C6: variants seen among roughly 807,000 people sequenced by gnomAD.
The protein encoded by C6 is complement component C6.
C6 carries 101 observed loss-of-function variants against 112.9 expected under a neutral mutation model. That is an observed-to-expected ratio of 0.89 (90% CI 0.76 to 1.06). The LOEUF is 1.06. Ranked by LOEUF, C6 falls within the 50% of genes least tolerant of loss-of-function variation. C6 has a pLI of 0.00. For synonymous variants in C6, 431 were observed against 384.1 expected (o/e 1.12, Z -1.43); for missense variants, 1,202 against 1,104.6 (o/e 1.09, Z -1.25).
At position 41,160,161 on chromosome 5, in the gene C6, C is replaced by T. The variant is rs1561108383; in HGVS notation, c.1665G>A (p.Gln555=). The T allele has an allele frequency of 2.5e-6, 4 of 1,612,344 alleles. No individual in the cohort carries two copies. Among genetic ancestry groups the T allele is most frequent in the East Asian group, 2.2e-5 (1 of 44,864 alleles). Residue 555 remains glutamine (Q), a synonymous_variant, in exon 11 of 18, where the codon CAG becomes CAA. Coordinates refer to ENST00000337836, the MANE Select transcript of C6 (RefSeq NM_000065.5). The part of the protein sequence containing the change: ...SGTYGENCEK[Q]SPDYKSNAVD... ...ACTTACTGGATTTATAATCTGGAGA[C>T]TGTTTCTCACAGTTCTCACCATAGG... is the stretch of plus-strand genomic sequence containing the variant.
intron 6 of C6, 35 bp downstream of exon 6, chr5:41,186,035 G>A (rs1205626706): frequency 1.2e-5 from 20 of 1,613,138 alleles, no homozygotes; most frequent in Non-Finnish European, 1.6e-5. Context: ...AATCACTGAC[G>A]GTGTTGGAGT....
At chr5:41,152,009 G>GAA (rs111468089) in intron 15 of C6, among the ~76,000 whole-genome samples, 37 of 146,444 alleles carry the variant, frequency 2.5e-4, no homozygotes, top group African/African-American at 9.3e-4. Context: ...ATTATGGTGG[G>GAA]AAAAAAAAAA....
intron 1 of C6, among the ~76,000 whole-genome samples, chr5:41,224,518 G>C (rs1739367246): frequency 6.6e-6 from 1 of 151,764 alleles, no homozygotes; most frequent in Non-Finnish European, 1.5e-5. Flanking sequence ...CGTCTTTTGA[G>C]ACTGATTCTT....
intron 7 of C6, among the ~76,000 whole-genome samples, chr5:41,178,852 A>G (rs1749086024): frequency 6.7e-6 from 1 of 150,028 alleles, no homozygotes; most frequent in Non-Finnish European, 1.5e-5. Context: ...GGATTGAACT[A>G]TATGAAGCTA....
At chr5:41,212,028 C>G (rs927518620) in intron 1 of C6, among the ~76,000 whole-genome samples, 1 of 151,872 alleles carries the variant, frequency 6.6e-6, no homozygotes, top group Non-Finnish European at 1.5e-5. Flanking sequence ...CAATATGGAG[C>G]CTGATATAAA....
At chr5:41,190,576 T>C (rs1750117127) in intron 5 of C6, among the ~76,000 whole-genome samples, 1 of 152,240 alleles carries the variant, frequency 6.6e-6, no homozygotes, top group South Asian at 2.1e-4. Context: ...TTCACTCTGT[T>C]ACTGTTTTCT....
chr5:41,157,435 G>T (rs1561103140), intron 13 of C6, among the ~76,000 whole-genome samples: 1 of 152,176 alleles, frequency 6.6e-6, no homozygotes, highest in African/African-American at 2.4e-5. Flanking sequence ...TCTATAAGTG[G>T]CCTGGATAGT....
chr5:41,207,198 G>A (rs1751504375), intron 1 of C6, among the ~76,000 whole-genome samples: 1 of 152,064 alleles, frequency 6.6e-6, no homozygotes, highest in Non-Finnish European at 1.5e-5. Flanking sequence ...GTCACCACCA[G>A]GCCTGCCTTA....
At chr5:41,146,270 C>A (rs908530225) in intron 17 of C6, among the ~76,000 whole-genome samples, 1 of 134,460 alleles carries the variant, frequency 7.4e-6, no homozygotes, top group African/African-American at 2.6e-5. Flanking sequence ...CATGTTGTAA[C>A]TTTTGAAAGG....
chr5:41,184,629 G>A (rs905426252), intron 6 of C6, among the ~76,000 whole-genome samples: 8 of 151,800 alleles, frequency 5.3e-5, no homozygotes, highest in African/African-American at 9.7e-5. Flanking sequence ...GCACCACTAC[G>A]CCCAGCTAAG....
intron 1 of C6, among the ~76,000 whole-genome samples, chr5:41,230,001 G>A (rs11948628): frequency 0.021 from 3,197 of 152,064 alleles, 128 homozygotes; most frequent in African/African-American, 0.072. Flanking sequence ...TGTCTTTACC[G>A]CAATCGCTGA....
rs140192280 is a variant in C6 at position 41,246,824 on chromosome 5, GC to G, written c.-21+14369del. ...ACTAAAATGATGACTGTATGTTTGA[GC>G]TAGAAAAGGAAAATTTGGGATAAAT... On this transcript the variant is annotated intron_variant, in intron 1 of 17. Coordinates refer to the C6 transcript ENST00000263413. Among the ~76,000 whole-genome samples, 235 of 152,260 alleles carry G rather than the reference GC, an allele frequency of 1.5e-3. 11 individuals carry two copies. The East Asian group carries it at 0.043, about 28-fold the overall frequency.
intron 1 of C6, among the ~76,000 whole-genome samples, chr5:41,219,795 C>T (rs1023022052): frequency 6.6e-6 from 1 of 152,132 alleles, no homozygotes; most frequent in African/African-American, 2.4e-5. Context: ...AGACATGAAT[C>T]ACACAAATAA....
chr5:41,239,851 T>G lies in C6; in HGVS notation c.-21+21343A>C, dbSNP rs150790519. 6.0e-4 allele frequency among the ~76,000 whole-genome samples: 92 copies of G among 152,320 alleles called. 1 individual carries two copies. Among genetic ancestry groups the G allele is most frequent in the Middle Eastern group, 6.8e-3 (2 of 294 alleles). ...GTCTAGGAAAGGCTTTATTTCTCTTTCATTTATGAAAGGTAACTTTGCTGG... is the reference window on the plus strand; with the variant it reads ...GTCTAGGAAAGGCTTTATTTCTCTTGCATTTATGAAAGGTAACTTTGCTGG... On this transcript the variant is annotated intron_variant, in intron 1 of 17. Coordinates refer to the C6 transcript ENST00000263413.
chr5:41,171,062 A>G (rs909694612), intron 9 of C6, among the ~76,000 whole-genome samples: 1 of 152,188 alleles, frequency 6.6e-6, no homozygotes, highest in Admixed American at 6.6e-5. Context: ...AAAACAGACT[A>G]CAAGCAGGAA....
At chr5:41,233,326 A>G (rs945588142) in intron 1 of C6, among the ~76,000 whole-genome samples, 25 of 152,146 alleles carry the variant, frequency 1.6e-4, no homozygotes, top group African/African-American at 3.6e-4. Context: ...TATGAAATGG[A>G]TAAACAATAA....
At chr5:41,159,279 A>G (rs770058820) in intron 11 of C6, 26 bp from the exon 12 acceptor site, 3 of 1,609,818 alleles carry the variant, frequency 1.9e-6, no homozygotes, top group South Asian at 1.1e-5. Flanking sequence ...ACTCACTCCC[A>G]TGGATCATGG....
At chr5:41,169,351 T>A (rs562654985) in intron 9 of C6, among the ~76,000 whole-genome samples, 16 of 152,068 alleles carry the variant, frequency 1.1e-4, no homozygotes, top group African/African-American at 3.9e-4. Flanking sequence ...ACACGCACTC[T>A]TAAATTATCC....
At chr5:41,209,353 G>T (rs1196564877) in intron 1 of C6, among the ~76,000 whole-genome samples, 2 of 152,168 alleles carry the variant, frequency 1.3e-5, no homozygotes, top group African/African-American at 2.4e-5. Flanking sequence ...TCAACATAGT[G>T]TTGGAAGTTC....
Sources: gnomAD v4.1 joint callset for allele counts (sites outside exome capture counted in the v4.1 genomes callset) on GRCh38, gnomAD v4.1.1 for gene constraint, MANE v1.5 for transcripts, NCBI Gene and HGNC (gene_info 2026-07-23, HGNC 2026-07-21) for gene names.